CILK1: variants seen among roughly 807,000 people sequenced by gnomAD.
The protein encoded by CILK1 is ciliogenesis associated kinase 1, also known as serine/threonine-protein kinase ICK.
Under a neutral mutation model 79.2 loss-of-function variants are expected in CILK1, and 47 were observed. The observed-to-expected ratio is 0.59, with a 90% CI of 0.47 to 0.76. The LOEUF is 0.76. Among genes scored for constraint, CILK1 ranks in the 30% least tolerant of loss-of-function variants. The pLI, the probability that CILK1 is intolerant of heterozygous loss-of-function variation, is 0.00. For synonymous variants in CILK1, 266 were observed against 275.9 expected (o/e 0.96, Z 0.36); for missense variants, 660 against 769.5 (o/e 0.86, Z 1.68).
intron 8 of CILK1, among the ~76,000 whole-genome samples, chr6:53,015,561 G>T (rs745574006): frequency 1.3e-4 from 20 of 152,178 alleles, no homozygotes; most frequent in Non-Finnish European, 2.6e-4. Flanking sequence ...CTGTCTCATG[G>T]AGTCTTTATT....
intron 5 of CILK1, among the ~76,000 whole-genome samples, chr6:53,025,616 G>A (rs2127430215): frequency 6.6e-6 from 1 of 152,242 alleles, no homozygotes; most frequent in Admixed American, 6.5e-5. Flanking sequence ...CTCTTTTTAT[G>A]GGCCCTACTT....
At chr6:53,018,733 T>C (rs1397700801) in intron 6 of CILK1, among the ~76,000 whole-genome samples, 1 of 152,108 alleles carries the variant, frequency 6.6e-6, no homozygotes, top group African/African-American at 2.4e-5. Context: ...GACTTCTCTA[T>C]GGCATCTTTG....
chr6:53,018,704 T>C (rs1333529837), intron 6 of CILK1, among the ~76,000 whole-genome samples: 1 of 152,186 alleles, frequency 6.6e-6, no homozygotes, highest in East Asian at 1.9e-4. Flanking sequence ...TATTTTCTAC[T>C]GAGCATTTCT....
intron 1 of CILK1, among the ~76,000 whole-genome samples, chr6:53,056,806 T>C (rs1767911252): frequency 6.6e-6 from 1 of 152,226 alleles, no homozygotes; most frequent in South Asian, 2.1e-4. Context: ...AAGGCAATCC[T>C]GACCATAGAT....
Position 53,037,271 on chromosome 6 carries a change from G to A in CILK1, c.156+668C>T, listed in dbSNP as rs189852701. ...AAAATCAATAGAAGAAGGGGCAGGG[G>A]GAAAGGAGGAGAATAATGAATCCCA... On this transcript the variant is annotated intron_variant, in intron 3 of 13. Transcript: ENST00000676107. 2.2e-3 allele frequency among the ~76,000 whole-genome samples: 328 copies of A among 152,034 alleles called. 4 individuals carry two copies. The highest frequency in any genetic ancestry group is 7.4e-3 in the African/African-American group (308 of 41,484).
intron 7 of CILK1, among the ~76,000 whole-genome samples, chr6:53,016,588 C>A (rs1189595661): frequency 2.0e-5 from 3 of 152,200 alleles, no homozygotes; most frequent in African/African-American, 7.2e-5. Flanking sequence ...CTGAAAACTG[C>A]CAATGAGATA....
In CILK1 at chr6:53,009,411, C is replaced by T. The variant is rs759349656; in HGVS notation, c.1621+28G>A. 25 of 1,612,770 alleles carry T rather than the reference C, an allele frequency of 1.6e-5. No individual in the cohort carries two copies. The South Asian group carries it at 2.7e-4, about 18-fold the overall frequency. The stretch of plus-strand genomic sequence containing the variant: ...TGCATCCAGGGAATTTGCTTTTTGC[C>T]ATTTAGGGGTTAATGATCATTACTC... On this transcript the variant is annotated intron_variant, in intron 12 of 13. Coordinates refer to ENST00000676107, the MANE Select transcript of CILK1 (RefSeq NM_014920.5).
In CILK1 at chr6:53,037,821, T is replaced by C. The variant is rs1766457530; in HGVS notation, c.156+118A>G. On this transcript the variant is annotated intron_variant, in intron 3 of 13. Coordinates refer to ENST00000676107, the MANE Select transcript of CILK1 (RefSeq NM_014920.5). ...TTCAGCTGTAATGTTATCATTTGCCTCCCTTTCCAGCATTAGTGAAAAAAT... is the reference window on the plus strand; with the variant it reads ...TTCAGCTGTAATGTTATCATTTGCCCCCCTTTCCAGCATTAGTGAAAAAAT... 9 of 669,582 alleles carry C rather than the reference T, an allele frequency of 1.3e-5. No homozygotes were observed. The South Asian group carries it at 1.6e-4, about 12-fold the overall frequency. 41.5% of individuals were successfully genotyped at this position (669,582 alleles called of 1,614,324 possible). A position where few individuals can be genotyped will look rare whatever the true frequency, so the allele number is the denominator to read the frequency against.
intron 1 of CILK1, among the ~76,000 whole-genome samples, chr6:53,060,221 T>A (rs1212348236): frequency 6.6e-6 from 1 of 152,222 alleles, no homozygotes; most frequent in African/African-American, 2.4e-5. Flanking sequence ...TCCTAGTAGT[T>A]CATTTACACT....
In CILK1 at chr6:53,046,015, T is replaced by TTAACGGCCGCGGTAC. The variant is rs1257738574; in HGVS notation, c.-172-4608_-172-4607insGTACCGCGGCCGTTA. Among the ~76,000 whole-genome samples the TTAACGGCCGCGGTAC allele has an allele frequency of 5.9e-5, 9 of 152,326 alleles. 1 individual carries two copies. The South Asian group carries it at 1.9e-3, about 32-fold the overall frequency. ...TCATGTCCAACCAAAACTTGCATAT[T>TTAACGGCCGCGGTAC]CTAACTTAAGCAAATTTCTTCTGCC... On this transcript the variant is annotated intron_variant, in intron 1 of 13. Transcript: ENST00000676107.
At chr6:53,016,326 C>T in intron 7 of CILK1, 76 bp from the exon 8 acceptor site, 1 of 1,485,370 alleles carries the variant, frequency 6.7e-7, no homozygotes, top group Non-Finnish European at 9.4e-7. Flanking sequence ...CATGTGTGCC[C>T]CAAATGGAAA....
At chr6:53,054,506 G>C (rs1461170299) in intron 1 of CILK1, 1 of 152,202 alleles carries the variant, frequency 6.6e-6, no homozygotes. Flanking sequence ...ACAAAACAAA[G>C]ATAAACTGTT....
chr6:53,024,541 G>C (rs1182375449), intron 5 of CILK1, among the ~76,000 whole-genome samples: 1 of 152,180 alleles, frequency 6.6e-6, no homozygotes, highest in Non-Finnish European at 1.5e-5. Flanking sequence ...ACTGGCTTAA[G>C]AATGTGTAAG....
At chr6:53,018,829 G>A (rs545689604) in intron 6 of CILK1, among the ~76,000 whole-genome samples, 20 of 152,234 alleles carry the variant, frequency 1.3e-4, no homozygotes, top group African/African-American at 4.6e-4. Context: ...GAAGAGGGAG[G>A]AAAAAACCTA....
intron 5 of CILK1, among the ~76,000 whole-genome samples, chr6:53,020,030 T>A (rs1187282101): frequency 6.6e-6 from 1 of 152,148 alleles, no homozygotes; most frequent in African/African-American, 2.4e-5. Context: ...CAATTATAAT[T>A]TTTGTTTAAG....
At chr6:53,058,913 G>A (rs753173855) in intron 1 of CILK1, among the ~76,000 whole-genome samples, 13 of 151,852 alleles carry the variant, frequency 8.6e-5, no homozygotes, top group Non-Finnish European at 1.6e-4. Flanking sequence ...TGCTGCAAGA[G>A]GAGCAGTATA....
At chr6:53,015,298 G>C (rs1229230998) in intron 8 of CILK1, among the ~76,000 whole-genome samples, 1 of 152,220 alleles carries the variant, frequency 6.6e-6, no homozygotes, top group South Asian at 2.1e-4. Flanking sequence ...AGATGCCTGT[G>C]AGTGATAAGA....
intron 11 of CILK1, among the ~76,000 whole-genome samples, chr6:53,011,079 G>C (rs536764259): frequency 9.2e-5 from 14 of 152,286 alleles, no homozygotes; most frequent in Admixed American, 7.2e-4. Context: ...GAGAGGCTTG[G>C]ATACCCACCA....
chr6:53,058,583 A>G (rs1768125806), intron 1 of CILK1, among the ~76,000 whole-genome samples: 1 of 152,152 alleles, frequency 6.6e-6, no homozygotes, highest in Non-Finnish European at 1.5e-5. Context: ...CCCTGATTCA[A>G]CCACATCAAC....
Sources: allele counts gnomAD v4.1 joint callset (sites outside exome capture counted in the v4.1 genomes callset), GRCh38; gene constraint gnomAD v4.1.1; transcripts MANE v1.5; gene names NCBI Gene and HGNC (gene_info 2026-07-23, HGNC 2026-07-21).